Variants in PARPBP observed in about 807,000 individuals in gnomAD.
The protein encoded by PARPBP is PARP1 binding protein.
In PARPBP, 52 loss-of-function variants were observed where a neutral mutation model predicts 50.0. That is an observed-to-expected ratio of 1.04 (90% CI 0.83 to 1.31). The LOEUF (loss-of-function observed/expected upper bound fraction) is 1.31, where lower values mean the gene tolerates loss of function less well. Ranked by LOEUF, PARPBP falls within the 50% of genes most tolerant of loss-of-function variation. The pLI, the probability that PARPBP is intolerant of heterozygous loss-of-function variation, is 0.00. For missense variants in PARPBP, 697 were observed against 672.0 expected (o/e 1.04, Z -0.41); for synonymous variants, 244 against 232.1 (o/e 1.05, Z -0.47).
At chr12:102,144,125 T>C (rs1303347546) in intron 2 of PARPBP, among the ~76,000 whole-genome samples, 1 of 152,218 alleles carries the variant, frequency 6.6e-6, no homozygotes, top group Admixed American at 6.5e-5. Context: ...AGTATCTTAC[T>C]CAAGGTCACA....
Position 102,178,748 on chromosome 12 carries a change from A to T in PARPBP, c.1162A>T (p.Thr388Ser), listed in dbSNP as rs143726163. 7 of 1,610,252 alleles carry T rather than the reference A, an allele frequency of 4.3e-6. No homozygotes were observed. The African/African-American group carries it at 9.4e-5, about 22-fold the overall frequency. ...GGAAAACACAATCCATCATCATGGA[A>T]CGTCTATTCTTACACTTTTTAGGTA... ...DEENTIHHHG[T>S]SILTLFRSPT... Residue 388 changes from threonine (T) to serine (S), a missense_variant, in exon 8 of 11, where the codon ACG (threonine) becomes TCG (serine). Transcript: ENST00000327680.
intron 5 of PARPBP, among the ~76,000 whole-genome samples, chr12:102,164,962 C>T (rs1887987736): frequency 6.6e-6 from 1 of 152,076 alleles, no homozygotes; most frequent in Admixed American, 6.5e-5. Context: ...ATACATAATC[C>T]ATGATTGTAT....
At chr12:102,152,933 CA>C (rs80188087) in intron 3 of PARPBP, among the ~76,000 whole-genome samples, 21,303 of 80,470 alleles carry the variant, frequency 0.26, 1,440 homozygotes, top group Non-Finnish European at 0.3. Flanking sequence ...AACAGTAAAA[CA>C]AAAAAAAAAA....
chr12:102,156,478 C>A (rs1022126834), intron 4 of PARPBP, among the ~76,000 whole-genome samples: 2 of 151,948 alleles, frequency 1.3e-5, no homozygotes, highest in African/African-American at 4.8e-5. Flanking sequence ...AGGTGTGAGC[C>A]ACTGCGCCCG....
At chr12:102,164,648 A>G (rs1403594258) in intron 5 of PARPBP, 40 bp downstream of exon 5, 3 of 1,535,390 alleles carry the variant, frequency 2.0e-6, no homozygotes, top group South Asian at 2.2e-5. Context: ...GACTCCTTGC[A>G]CAGTGGATCC....
chr12:102,177,766 T>C (rs554295832), intron 7 of PARPBP, among the ~76,000 whole-genome samples: 1 of 152,354 alleles, frequency 6.6e-6, no homozygotes, highest in South Asian at 2.1e-4. Context: ...ATTTTTCCTC[T>C]GTAACAGACT....
At position 102,195,426 on chromosome 12, in the gene PARPBP, T is replaced by C; in HGVS notation, c.1378T>C (p.Tyr460His). 1 of 1,592,948 alleles carries C rather than the reference T, an allele frequency of 6.3e-7. No individual in the cohort carries two copies. The highest frequency in any genetic ancestry group is 8.6e-7 in the Non-Finnish European group (1 of 1,167,630). The change falls in exon 10 of 11, where the codon TAC (tyrosine) becomes CAC (histidine). Residue 460 changes from tyrosine (Y) to histidine (H), a missense_variant. Transcript: ENST00000327680. ...AGCATCAAAGCCTTTGTGTGTTCTT[T>C]ACATGGAAAATGACCTTTCTGGTAA... ...NLASKPLCVL[Y>H]MENDLSEGVN...
chr12:102,197,131 G>T lies in PARPBP; in HGVS notation c.*840G>T, dbSNP rs994332638. 1 of 1,612,162 alleles carries T rather than the reference G, an allele frequency of 6.2e-7. No individual in the cohort carries two copies. On this transcript the variant is annotated 3_prime_UTR_variant, in exon 11 of 11. Transcript: ENST00000327680. ...ATAAGGTTTTATAGCCAGATTCAGT[G>T]GCAGACCATGATTTAAGAAATTATG... is the stretch of plus-strand genomic sequence containing the variant.
intron 4 of PARPBP, among the ~76,000 whole-genome samples, chr12:102,162,020 A>G (rs1045626446): frequency 2.6e-5 from 4 of 152,182 alleles, no homozygotes; most frequent in African/African-American, 9.7e-5. Flanking sequence ...TGTCCAGTGA[A>G]GTTTTTCTTT....
chr12:102,147,725 A>G (rs1885589171), intron 2 of PARPBP, among the ~76,000 whole-genome samples: 1 of 151,622 alleles, frequency 6.6e-6, no homozygotes, highest in Non-Finnish European at 1.5e-5. Flanking sequence ...TAATAATAAA[A>G]TAAAAAAAAT....
chr12:102,154,503 A>G (rs916920716), intron 4 of PARPBP, among the ~76,000 whole-genome samples: 2 of 152,198 alleles, frequency 1.3e-5, no homozygotes, highest in African/African-American at 4.8e-5. Context: ...CACTAACCAT[A>G]GTAGTAGTAC....
At chr12:102,161,104 C>G (rs1021963282) in intron 4 of PARPBP, among the ~76,000 whole-genome samples, 3 of 140,476 alleles carry the variant, frequency 2.1e-5, no homozygotes, top group African/African-American at 8.4e-5. Context: ...TATTTTATCC[C>G]AGGTAAGTTT....
chr12:102,144,098 A>T (rs1240379157), intron 2 of PARPBP, among the ~76,000 whole-genome samples: 1 of 152,180 alleles, frequency 6.6e-6, no homozygotes, highest in Non-Finnish European at 1.5e-5. Flanking sequence ...AACCAAGGAA[A>T]CTGACTCAGG....
intron 3 of PARPBP, among the ~76,000 whole-genome samples, chr12:102,151,262 G>A (rs530798809): frequency 6.6e-6 from 1 of 152,314 alleles, no homozygotes; most frequent in South Asian, 2.1e-4. Context: ...GCACCTGCGT[G>A]GGCCTGGGTC....
At chr12:102,191,527 G>A (rs995313274) in intron 9 of PARPBP, among the ~76,000 whole-genome samples, 7 of 151,936 alleles carry the variant, frequency 4.6e-5, no homozygotes, top group African/African-American at 1.7e-4. Context: ...GGTATAATGG[G>A]GGTTTAGAAC....
chr12:102,130,070 G>C (rs746881853), intron 2 of PARPBP, among the ~76,000 whole-genome samples: 14 of 152,148 alleles, frequency 9.2e-5, no homozygotes, highest in Non-Finnish European at 1.8e-4. Flanking sequence ...ACAGAATACA[G>C]AGCCCAGAAA....
chr12:102,152,929 A>G (rs1886400968), intron 3 of PARPBP, among the ~76,000 whole-genome samples: 1 of 146,342 alleles, frequency 6.8e-6, no homozygotes, highest in Admixed American at 6.7e-5. Context: ...GAAGAACAGT[A>G]AAACAAAAAA....
chr12:102,152,018 T>C, intron 3 of PARPBP: 1 of 526,378 alleles, frequency 1.9e-6, no homozygotes, highest in Admixed American at 3.3e-5. Flanking sequence ...TGTAAATATT[T>C]GCATCTCCTG....
intron 4 of PARPBP, among the ~76,000 whole-genome samples, chr12:102,158,120 CAAAAAAAAAAA>C (rs55962862): frequency 4.2e-5 from 2 of 47,992 alleles, no homozygotes; most frequent in African/African-American, 1.7e-4. Context: ...GACTCCATCT[CAAAAAAAAAAA>C]AAAAAAAAAA....
Sources: allele counts gnomAD v4.1 joint callset (sites outside exome capture counted in the v4.1 genomes callset), GRCh38; gene constraint gnomAD v4.1.1; transcripts MANE v1.5; gene names NCBI Gene and HGNC (gene_info 2026-07-23, HGNC 2026-07-21).